METTL15: variants seen among roughly 807,000 people sequenced by gnomAD.
The protein encoded by METTL15 is methyltransferase 15, mitochondrial 12S rRNA N4-cytidine.
METTL15 carries 34 observed loss-of-function variants against 38.3 expected under a neutral mutation model. That is an observed-to-expected ratio of 0.89 (90% confidence interval 0.68 to 1.18). The LOEUF is 1.18. METTL15 is among the 50% of genes most tolerant of loss of function. The probability of loss-of-function intolerance (pLI) is 0.00; values close to 1 mark genes in which losing one functional copy is unlikely to be tolerated. For missense variants in METTL15, 438 were observed against 498.4 expected (o/e 0.88, Z 1.15); for synonymous variants, 162 against 170.9 (o/e 0.95, Z 0.41).
chr11:28,298,326 AT>A lies in METTL15; in HGVS notation c.778+1402del, dbSNP rs963033489. ...GGAAAGAAAAGCAGTGAGAAGTGAT[AT>A]TTTTTTATTTATAAGCAAATCTAAA... On this transcript the variant is annotated intron_variant, in intron 6 of 6. Coordinates refer to ENST00000407364, the MANE Select transcript of METTL15 (RefSeq NM_001113528.2). Among the ~76,000 whole-genome samples the A allele has an allele frequency of 3.3e-5, 5 of 152,114 alleles. No homozygotes were observed. In the South Asian group the frequency reaches 8.3e-4, roughly 25 times the overall value.
At position 28,413,913 on chromosome 11, in the gene METTL15, G is replaced by T. The variant is rs148276979; in HGVS notation, c.*359-10386G>T. On this transcript the variant is annotated intron_variant and NMD_transcript_variant, in intron 5 of 7. Coordinates refer to the METTL15 transcript ENST00000532947. Reference sequence around the variant, plus strand: ...GCAGATTTTCTAGAATTTATGTTCCGTATCATGTAGTGCAGAGTTTCTTAA... The same window carrying T: ...GCAGATTTTCTAGAATTTATGTTCCTTATCATGTAGTGCAGAGTTTCTTAA... Among the ~76,000 whole-genome samples the T allele has an allele frequency of 6.6e-5, 10 of 152,206 alleles. 1 individual carries two copies. In the East Asian group the frequency reaches 1.9e-3, roughly 29 times the overall value.
chr11:28,207,535 A>G (rs879079962), intron 3 of METTL15, among the ~76,000 whole-genome samples: 1 of 151,876 alleles, frequency 6.6e-6, no homozygotes, highest in Non-Finnish European at 1.5e-5. Context: ...GGATTTTTGC[A>G]TCAGGGTTCA....
chr11:28,153,783 A>G (rs1382471089), intron 3 of METTL15, among the ~76,000 whole-genome samples: 1 of 152,136 alleles, frequency 6.6e-6, no homozygotes, highest in Non-Finnish European at 1.5e-5. Context: ...CTCATGAAAC[A>G]GAAACAATTA....
intron 4 of METTL15, among the ~76,000 whole-genome samples, chr11:28,353,647 C>T (rs1380286169): frequency 6.6e-6 from 1 of 152,116 alleles, no homozygotes. Context: ...AGATGTCGGC[C>T]GGGCGCGGTG....
chr11:28,368,536 G>T (rs982491692), intron 5 of METTL15, among the ~76,000 whole-genome samples: 1 of 152,020 alleles, frequency 6.6e-6, no homozygotes, highest in Non-Finnish European at 1.5e-5. Context: ...AAATAGGAAC[G>T]CTTTTACACT....
rs531978565 is a variant in METTL15, at chr11:28,196,256, A to G, written c.271-14806A>G. Among the ~76,000 whole-genome samples the G allele has an allele frequency of 5.3e-5, 8 of 152,136 alleles. No individual in the cohort carries two copies. The South Asian group carries it at 1.7e-3, about 32-fold the overall frequency. On this transcript the variant is annotated intron_variant, in intron 3 of 6. Transcript: ENST00000407364. ...TATGATGAATAACATTAGTATTTTG[A>G]TAGCAGTTGCATTTAATATATAGAC...
intron 4 of METTL15, among the ~76,000 whole-genome samples, chr11:28,213,837 A>AGTAGAGAC (rs1273217030): frequency 6.6e-6 from 1 of 151,270 alleles, no homozygotes; most frequent in African/African-American, 2.4e-5. Context: ...TTGTATTTTT[A>AGTAGAGAC]GTAGAGACGG....
intron 3 of METTL15, among the ~76,000 whole-genome samples, chr11:28,345,398 C>G (rs1350897273): frequency 5.3e-5 from 8 of 152,128 alleles, no homozygotes; most frequent in African/African-American, 1.9e-4. Context: ...CCATGTTAGC[C>G]AGGCTGGTCT....
At chr11:28,455,410 A>T (rs974244883) in intron 6 of METTL15, among the ~76,000 whole-genome samples, 1 of 151,850 alleles carries the variant, frequency 6.6e-6, no homozygotes, top group South Asian at 2.1e-4. Flanking sequence ...AATTTATTCC[A>T]CGTTACCATA....
intron 3 of METTL15, among the ~76,000 whole-genome samples, chr11:28,145,965 G>A (rs994620128): frequency 6.6e-6 from 1 of 151,896 alleles, no homozygotes; most frequent in Admixed American, 6.6e-5. Context: ...ATTTTAATGA[G>A]TTAGGAAATA....
At chr11:28,511,231 T>A (rs1851671524) in intron 6 of METTL15, among the ~76,000 whole-genome samples, 1 of 152,180 alleles carries the variant, frequency 6.6e-6, no homozygotes, top group Non-Finnish European at 1.5e-5. Context: ...ATTTTGACTC[T>A]CCCCAAAACT....
intron 4 of METTL15, among the ~76,000 whole-genome samples, chr11:28,225,296 A>T (rs1156940806): frequency 6.6e-6 from 1 of 151,834 alleles, no homozygotes; most frequent in Non-Finnish European, 1.5e-5. Context: ...AATATTTTCA[A>T]TTCCATTTTG....
chr11:28,129,778 AT>A (rs1852677352), intron 3 of METTL15, among the ~76,000 whole-genome samples: 1 of 152,068 alleles, frequency 6.6e-6, no homozygotes, highest in Admixed American at 6.6e-5. Flanking sequence ...ACATGTATTA[AT>A]TTTTTTATGT....
At position 28,329,620 on chromosome 11, in the gene METTL15, A is replaced by G. The variant is rs529090980; in HGVS notation, c.779-776A>G. On this transcript the variant is annotated intron_variant, in intron 6 of 6. Transcript: ENST00000407364. Reference sequence around the variant, plus strand: ...GAACATTCAGTAATTTCCCATTTATATAGGTCTTTAATTTATTTCAAAAAT... The same window carrying G: ...GAACATTCAGTAATTTCCCATTTATGTAGGTCTTTAATTTATTTCAAAAAT... 3.7e-4 allele frequency among the ~76,000 whole-genome samples: 57 copies of G among 152,220 alleles called. No individual in the cohort carries two copies. The South Asian group carries it at 0.01, about 27-fold the overall frequency.
intron 6 of METTL15, among the ~76,000 whole-genome samples, chr11:28,501,993 C>T (rs1451138161): frequency 4.0e-5 from 6 of 151,062 alleles, no homozygotes; most frequent in Admixed American, 3.3e-4. Context: ...CCCAGCTACT[C>T]GGGAGGCTGA....
At chr11:28,263,630 T>C (rs1187292091) in intron 4 of METTL15, among the ~76,000 whole-genome samples, 1 of 152,106 alleles carries the variant, frequency 6.6e-6, no homozygotes, top group Non-Finnish European at 1.5e-5. Flanking sequence ...AATGTCTTGC[T>C]CAGTTTCTGG....
chr11:28,311,408 TC>T (rs1329834755), intron 6 of METTL15, among the ~76,000 whole-genome samples: 1 of 152,208 alleles, frequency 6.6e-6, no homozygotes, highest in African/African-American at 2.4e-5. Flanking sequence ...CTTCTTGCCA[TC>T]CTCCTGAAGT....
At chr11:28,286,958 A>G (rs567519336) in intron 4 of METTL15, among the ~76,000 whole-genome samples, 2 of 151,198 alleles carry the variant, frequency 1.3e-5, no homozygotes, top group South Asian at 2.1e-4. Flanking sequence ...TGTATTCTCC[A>G]CACTATATAT....
chr11:28,254,780 C>T (rs939775271), intron 4 of METTL15, among the ~76,000 whole-genome samples: 5 of 152,048 alleles, frequency 3.3e-5, no homozygotes, highest in African/African-American at 1.2e-4. Context: ...AAAATGAATT[C>T]ACTGTTGATG....
Sources: gnomAD v4.1 joint callset for allele counts (sites outside exome capture counted in the v4.1 genomes callset) on GRCh38, gnomAD v4.1.1 for gene constraint, MANE v1.5 for transcripts, NCBI Gene and HGNC (gene_info 2026-07-23, HGNC 2026-07-21) for gene names.